Variants in TNKS observed in about 807,000 individuals in gnomAD.
The protein encoded by TNKS is tankyrase, also known as poly [ADP-ribose] polymerase tankyrase-1.
A neutral mutation model predicts 135.8 loss-of-function variants in TNKS; 72 were observed. The observed-to-expected ratio is 0.53, with a 90% CI of 0.44 to 0.64. The LOEUF is 0.64. Ranked by LOEUF, TNKS falls within the 30% of genes least tolerant of loss-of-function variation. The pLI is 0.00. For synonymous variants in TNKS, 849 were observed against 649.3 expected (o/e 1.31, Z -4.68); for missense variants, 1,769 against 1,674.0 (o/e 1.06, Z -0.99).
chr8:9,614,038 C>G (rs536170428), intron 2 of TNKS, among the ~76,000 whole-genome samples: 124 of 152,318 alleles, frequency 8.1e-4, no homozygotes, highest in African/African-American at 2.8e-3. Flanking sequence ...TGCATGTGAT[C>G]ACTCAGCAAC....
chr8:9,635,966 T>G (rs564910886), intron 3 of TNKS, among the ~76,000 whole-genome samples: 6 of 152,308 alleles, frequency 3.9e-5, no homozygotes, highest in Admixed American at 6.5e-5. Flanking sequence ...GAGCACATAC[T>G]GTATATTAGA....
intron 3 of TNKS, among the ~76,000 whole-genome samples, chr8:9,671,558 C>G (rs1802270429): frequency 6.6e-6 from 1 of 152,010 alleles, no homozygotes; most frequent in Non-Finnish European, 1.5e-5. Context: ...TAAAATAAAA[C>G]TGGGGACAGA....
At chr8:9,580,014 A>T (rs1314481784) in intron 1 of TNKS, 145 bp from the exon 2 acceptor site, 1 of 660,938 alleles carries the variant, frequency 1.5e-6, no homozygotes, top group Non-Finnish European at 2.6e-6. Flanking sequence ...GTTTGAATGA[A>T]GCTAATGTTT....
chr8:9,757,483 C>A (rs10096462), intron 20 of TNKS, among the ~76,000 whole-genome samples: 64,896 of 151,836 alleles, frequency 0.43, 14,325 homozygotes, highest in African/African-American at 0.51. Flanking sequence ...TGTCTTAAGC[C>A]CACTTCCCTC....
At position 9,763,232 on chromosome 8, in the gene TNKS, A is replaced by G; in HGVS notation, c.3360A>G (p.Ser1120=). The G allele has an allele frequency of 6.2e-7, 1 of 1,603,284 alleles. No homozygotes were observed. Among genetic ancestry groups the G allele is most frequent in the East Asian group, 2.2e-5 (1 of 44,778 alleles). Residue 1120 remains serine (S), a synonymous_variant, in exon 22 of 27, where the codon TCA becomes TCG. Transcript: ENST00000310430. ...DLAPEDKEYQ[S]VEEEMQSTIR... is the part of the protein sequence containing the mutation. ...CTCCAGAAGATAAAGAATATCAGTC[A>G]GTGGAAGAAGAGGTAATATACATCA...
intron 20 of TNKS, among the ~76,000 whole-genome samples, chr8:9,752,962 C>G (rs559438321): frequency 4.8e-5 from 7 of 146,714 alleles, no homozygotes; most frequent in African/African-American, 1.8e-4. Context: ...AAAACCCTAT[C>G]TCGAAAAAAA....
intron 2 of TNKS, among the ~76,000 whole-genome samples, chr8:9,604,482 G>A (rs1799143670): frequency 6.6e-6 from 1 of 152,018 alleles, no homozygotes; most frequent in Admixed American, 6.6e-5. Context: ...TTGTAATTAA[G>A]TATCTGCCTA....
Position 9,763,196 on chromosome 8 carries a change from G to T in TNKS, c.3324G>T (p.Leu1108Phe). ...TFHCVNQGTI[L>F]LDLAPEDKEY... ...ACTGTGTTAATCAGGGAACGATTTT[G>T]CTGGATCTTGCTCCAGAAGATAAAG... is the stretch of plus-strand genomic sequence containing the variant. Residue 1108 changes from leucine (L) to phenylalanine (F), a missense_variant, in exon 22 of 27, where the codon TTG (leucine) becomes TTT (phenylalanine). This residue lies in a region of TNKS where 722 missense variants were observed against 688.9 expected (regional missense o/e 1.05). Transcript: ENST00000310430. 1 of 1,606,368 alleles carries T rather than the reference G, an allele frequency of 6.2e-7. No homozygotes were observed. Among genetic ancestry groups the T allele is most frequent in the Non-Finnish European group, 8.5e-7 (1 of 1,175,984 alleles).
At chr8:9,680,056 G>T in intron 4 of TNKS, 69 bp downstream of exon 4, 1 of 1,185,046 alleles carries the variant, frequency 8.4e-7, no homozygotes, top group Non-Finnish European at 1.3e-6. Context: ...GCAGGTGGAG[G>T]ACTATAAAAA....
At chr8:9,632,547 CTCTT>C (rs1396144659) in intron 3 of TNKS, among the ~76,000 whole-genome samples, 5 of 152,240 alleles carry the variant, frequency 3.3e-5, no homozygotes, top group Admixed American at 2.0e-4. Context: ...TACTAGGTAA[CTCTT>C]TCTTTCAGCT....
At chr8:9,625,094 A>G (rs1001910347) in intron 3 of TNKS, among the ~76,000 whole-genome samples, 3 of 152,066 alleles carry the variant, frequency 2.0e-5, no homozygotes, top group African/African-American at 7.2e-5. Context: ...ATTTGATTCA[A>G]TTTTAAGTAG....
At chr8:9,575,238 C>A in intron 1 of TNKS, 1 of 486,750 alleles carries the variant, frequency 2.1e-6, no homozygotes, top group Non-Finnish European at 2.7e-6. Flanking sequence ...AGGCGCCCGC[C>A]ACCACGCAGG....
intron 13 of TNKS, 144 bp from the exon 14 acceptor site, chr8:9,730,746 T>G (rs968981674): frequency 1.1e-6 from 1 of 938,312 alleles, no homozygotes; most frequent in Non-Finnish European, 1.5e-6. Context: ...TTTCTAAACA[T>G]TTGTATTGTC....
At chr8:9,575,395 A>G in intron 1 of TNKS, 2 of 985,374 alleles carry the variant, frequency 2.0e-6, no homozygotes, top group South Asian at 4.7e-5. Context: ...TTTAAGAGGA[A>G]CAAGGTGGGT....
At chr8:9,608,770 C>G (rs1318289917) in intron 2 of TNKS, among the ~76,000 whole-genome samples, 4 of 152,286 alleles carry the variant, frequency 2.6e-5, no homozygotes, top group South Asian at 4.1e-4. Context: ...TCTGCTTTGA[C>G]TCTTGTTGTG....
chr8:9,691,330 T>C (rs768278041), intron 5 of TNKS, among the ~76,000 whole-genome samples: 6 of 152,198 alleles, frequency 3.9e-5, no homozygotes, highest in Non-Finnish European at 8.8e-5. Context: ...GAGTTCCACA[T>C]TTCTGGGGCG....
In TNKS at chr8:9,709,971, C is replaced by T. The variant is rs1416500888; in HGVS notation, c.1595C>T (p.Ser532Phe). 1 of 1,613,620 alleles carries T rather than the reference C, an allele frequency of 6.2e-7. No individual in the cohort carries two copies. Residue 532 changes from serine to phenylalanine, a missense_variant, in exon 10 of 27, where the codon TCT (serine) becomes TTT (phenylalanine). Ser to Phe is a radical substitution (Grantham distance 155). Around this residue, in one of 5 missense-constraint regions of TNKS, gnomAD observed 523 missense variants for 541.0 expected, o/e 0.97. Coordinates refer to ENST00000310430, the MANE Select transcript of TNKS (RefSeq NM_003747.3). ...ACTTTATAGCACTGTGCTGTGGCCT[C>T]TCTGCATCCCAAACGTAAACAAGTG... ...HETALHCAVASLHPKRKQVTE... is the reference protein window; with the variant it reads ...HETALHCAVAFLHPKRKQVTE...
At chr8:9,638,823 G>A (rs1015075806) in intron 3 of TNKS, among the ~76,000 whole-genome samples, 1 of 152,130 alleles carries the variant, frequency 6.6e-6, no homozygotes, top group Non-Finnish European at 1.5e-5. Flanking sequence ...AAAAAAAATA[G>A]GATGAGGATG....
At position 9,580,209 on chromosome 8, in the gene TNKS, G is replaced by A; in HGVS notation, c.724G>A (p.Val242Ile). The stretch of plus-strand genomic sequence containing the variant: ...ACACTTACTACAGATGGGTGCTAAT[G>A]TCCACGCTCGTGATGATGGAGGTCT... ...VEHLLQMGAN[V>I]HARDDGGLIP... is the part of the protein sequence containing the mutation. The change falls in exon 2 of 27, where the codon GTC becomes ATC. Residue 242 changes from valine (V) to isoleucine (I), a missense_variant. By Grantham distance (29) the Val-to-Ile change is conservative. This residue lies in a region of TNKS where 523 missense variants were observed against 541.0 expected (regional missense o/e 0.97). Coordinates refer to ENST00000310430, the MANE Select transcript of TNKS (RefSeq NM_003747.3). 1.9e-6 allele frequency: 3 copies of A among 1,614,150 alleles called. No homozygotes were observed. Among genetic ancestry groups the A allele is most frequent in the Non-Finnish European group, 2.5e-6 (3 of 1,180,022 alleles).
Sources: gnomAD v4.1 joint callset for allele counts (sites outside exome capture counted in the v4.1 genomes callset) on GRCh38, gnomAD v4.1.1 for gene constraint, gnomAD v4.1.1 regional missense constraint, MANE v1.5 for transcripts, NCBI Gene and HGNC (gene_info 2026-07-23, HGNC 2026-07-21) for gene names.